Variants in FMN2 observed in about 807,000 individuals in gnomAD.
FMN2 encodes formin 2.
FMN2 carries 51 observed loss-of-function variants against 142.3 expected under a neutral mutation model. That is an observed-to-expected ratio of 0.36 (90% CI 0.29 to 0.45). The LOEUF (loss-of-function observed/expected upper bound fraction) is 0.45, where lower values mean the gene tolerates loss of function less well. FMN2 is among the 20% of genes least tolerant of loss of function. The pLI, the probability that FMN2 is intolerant of heterozygous loss-of-function variation, is 1.00. For synonymous variants in FMN2, 882 were observed against 869.8 expected (o/e 1.01, Z -0.25); for missense variants, 1,936 against 2,122.8 (o/e 0.91, Z 1.73).
At chr1:240,110,106 G>T (rs933550257) in intron 1 of FMN2, among the ~76,000 whole-genome samples, 2 of 152,164 alleles carry the variant, frequency 1.3e-5, no homozygotes, top group Non-Finnish European at 2.9e-5. Flanking sequence ...GTTAGCCCCT[G>T]CAGGGCACAG....
chr1:240,273,061 G>T (rs1669077049), intron 7 of FMN2, among the ~76,000 whole-genome samples: 1 of 152,110 alleles, frequency 6.6e-6, no homozygotes, highest in Non-Finnish European at 1.5e-5. Flanking sequence ...GAGCATAATA[G>T]CAGGCTCATT....
At position 240,208,401 on chromosome 1, in the gene FMN2, C is replaced by T. The variant is rs1427028397; in HGVS notation, c.3589C>T (p.Pro1197Ser). The T allele has an allele frequency of 1.9e-6, 3 of 1,586,966 alleles. No individual in the cohort carries two copies. The highest frequency in any genetic ancestry group is 2.6e-6 in the Non-Finnish European group (3 of 1,159,708). The change falls in exon 5 of 18, where the codon CCT becomes TCT. Residue 1197 changes from proline to serine, a missense_variant. Around this residue, in one of 8 missense-constraint regions of FMN2, gnomAD observed 259 missense variants for 230.9 expected, o/e 1.12. Coordinates refer to ENST00000319653, the MANE Select transcript of FMN2 (RefSeq NM_020066.5). ...PPPLPGVGIP[P>S]PPPLPGAGIP... is the part of the protein sequence containing the mutation. ...CCCTCTACCTGGAGTGGGAATACCT[C>T]CTCCGCCCCCTCTACCTGGTGCTGG...
intron 2 of FMN2, among the ~76,000 whole-genome samples, chr1:240,129,140 C>G (rs1302849696): frequency 6.6e-6 from 1 of 152,036 alleles, no homozygotes; most frequent in Non-Finnish European, 1.5e-5. Context: ...TCCCAAAGTG[C>G]TGGGATTATA....
chr1:240,279,146 T>C (rs1305614317), intron 7 of FMN2, among the ~76,000 whole-genome samples: 2 of 152,168 alleles, frequency 1.3e-5, no homozygotes, highest in Non-Finnish European at 2.9e-5. Flanking sequence ...CAACCAATGG[T>C]TTCCATGCAA....
intron 6 of FMN2, among the ~76,000 whole-genome samples, chr1:240,226,768 A>T (rs1667316541): frequency 6.6e-6 from 1 of 152,040 alleles, no homozygotes; most frequent in South Asian, 2.1e-4. Flanking sequence ...ACATCTCAAT[A>T]GCTGTAGAAT....
intron 16 of FMN2, among the ~76,000 whole-genome samples, chr1:240,467,736 G>A (rs72769826): frequency 0.028 from 4,298 of 152,224 alleles, 82 homozygotes; most frequent in Non-Finnish European, 0.048. Context: ...AGTTTGCTTC[G>A]AGATGAAATT....
rs1316637041 is a variant in FMN2, at chr1:240,353,093, G to C, written c.4766-2723G>C. Among the ~76,000 whole-genome samples, 8 of 152,176 alleles carry C rather than the reference G, an allele frequency of 5.3e-5. 1 individual carries two copies. Among genetic ancestry groups the C allele is most frequent in the Admixed American group, 5.2e-4 (8 of 15,272 alleles). On this transcript the variant is annotated intron_variant, in intron 13 of 17. Coordinates refer to ENST00000319653, the MANE Select transcript of FMN2 (RefSeq NM_020066.5). ...CCTCCTTCCTTGAGATCAACACAGA[G>C]AATGTCAACACCCGGTCATTCATGA...
chr1:240,330,480 T>C, intron 10 of FMN2, 123 bp from the exon 11 acceptor site: 2 of 946,656 alleles, frequency 2.1e-6, no homozygotes, highest in Non-Finnish European at 3.1e-6. Flanking sequence ...TAATTAGGAA[T>C]GATAAAGTTC....
At chr1:240,116,102 G>T (rs1348717518) in intron 1 of FMN2, among the ~76,000 whole-genome samples, 1 of 152,180 alleles carries the variant, frequency 6.6e-6, no homozygotes, top group Admixed American at 6.5e-5. Flanking sequence ...ACAACCAGAG[G>T]TCGCTTTCAT....
At chr1:240,173,312 C>T (rs1410048613) in intron 2 of FMN2, among the ~76,000 whole-genome samples, 1 of 152,146 alleles carries the variant, frequency 6.6e-6, no homozygotes, top group African/African-American at 2.4e-5. Flanking sequence ...CCACCCTTCT[C>T]ATCCTGAAGT....
intron 14 of FMN2, among the ~76,000 whole-genome samples, chr1:240,365,197 ATG>A (rs774119056): frequency 3.5e-5 from 5 of 140,886 alleles, no homozygotes; most frequent in African/African-American, 2.9e-5. Context: ...ATACATACAT[ATG>A]TGTGTGTATA....
At chr1:240,435,410 C>T (rs1675331890) in intron 15 of FMN2, among the ~76,000 whole-genome samples, 1 of 151,104 alleles carries the variant, frequency 6.6e-6, no homozygotes, top group Admixed American at 6.6e-5. Flanking sequence ...CTTCAGAGAA[C>T]ATGATCACAT....
At chr1:240,196,500 G>A (rs1273872786) in intron 4 of FMN2, among the ~76,000 whole-genome samples, 1 of 151,994 alleles carries the variant, frequency 6.6e-6, no homozygotes, top group East Asian at 1.9e-4. Context: ...CAATCTGTGT[G>A]TGTTTTTTGG....
At chr1:240,118,233 C>T (rs547483577) in intron 1 of FMN2, among the ~76,000 whole-genome samples, 1 of 152,010 alleles carries the variant, frequency 6.6e-6, no homozygotes, top group Non-Finnish European at 1.5e-5. Context: ...TTTACTGAAA[C>T]AGTAGTGAGG....
At chr1:240,382,022 G>C (rs139741735) in intron 14 of FMN2, among the ~76,000 whole-genome samples, 1 of 152,264 alleles carries the variant, frequency 6.6e-6, no homozygotes, top group Non-Finnish European at 1.5e-5. Context: ...TGGAAAAGAA[G>C]AAGTCAGATT....
In FMN2 at chr1:240,116,478, G is replaced by A. The variant is rs144984886; in HGVS notation, c.1616-6701G>A. Reference sequence around the variant, plus strand: ...CATTAAAAGGGACTTGGGAGAAAATGGCTAGCGAGTTAGAGAAAATAGGGG... The same window carrying A: ...CATTAAAAGGGACTTGGGAGAAAATAGCTAGCGAGTTAGAGAAAATAGGGG... On this transcript the variant is annotated intron_variant, in intron 1 of 17. Coordinates refer to ENST00000319653, the MANE Select transcript of FMN2 (RefSeq NM_020066.5). Among the ~76,000 whole-genome samples the A allele has an allele frequency of 9.1e-3, 1,389 of 152,278 alleles. 10 individuals carry two copies. Among genetic ancestry groups the A allele is most frequent in the Non-Finnish European group, 0.014 (953 of 68,018 alleles).
intron 13 of FMN2, among the ~76,000 whole-genome samples, chr1:240,351,874 GTGTGTATGATGTCATGGA>G (rs1350491412): frequency 6.6e-5 from 10 of 151,992 alleles, no homozygotes; most frequent in Non-Finnish European, 1.3e-4. Context: ...GATGTCATGG[GTGTGTATGATGTCATGGA>G]TGTGTATGAT....
At chr1:240,257,806 A>T in intron 6 of FMN2, 139 bp from the exon 7 acceptor site, 1 of 681,384 alleles carries the variant, frequency 1.5e-6, no homozygotes, top group South Asian at 1.8e-5. Context: ...CATTAAAAAA[A>T]ACACTGTTTT....
intron 2 of FMN2, among the ~76,000 whole-genome samples, chr1:240,140,036 C>T (rs1477821099): frequency 1.3e-5 from 2 of 152,122 alleles, no homozygotes; most frequent in Non-Finnish European, 1.5e-5. Flanking sequence ...TGGTAAGCTG[C>T]TGGAGGGTGT....
Sources: gnomAD v4.1 joint callset for allele counts (sites outside exome capture counted in the v4.1 genomes callset) on GRCh38, gnomAD v4.1.1 for gene constraint, gnomAD v4.1.1 regional missense constraint, MANE v1.5 for transcripts, NCBI Gene and HGNC (gene_info 2026-07-23, HGNC 2026-07-21) for gene names.